The following CKAP5 variants were observed in gnomAD, a reference collection of about 807,000 sequenced individuals.
The protein encoded by CKAP5 is cytoskeleton-associated protein 5.
A neutral mutation model predicts 232.8 loss-of-function variants in CKAP5; 27 were observed. The ratio of observed to expected loss-of-function variants is 0.12; its 90% confidence interval spans 0.09 to 0.16. The LOEUF (loss-of-function observed/expected upper bound fraction) is 0.16. CKAP5 is among the 10% of genes least tolerant of loss of function. CKAP5 has a pLI of 1.00. For synonymous variants in CKAP5, 785 were observed against 841.1 expected (o/e 0.93, Z 1.16); for missense variants, 1,838 against 2,424.7 (o/e 0.76, Z 5.08).
At chr11:46,808,580 G>A (rs1939208035) in intron 7 of CKAP5, among the ~76,000 whole-genome samples, 1 of 151,974 alleles carries the variant, frequency 6.6e-6, no homozygotes, top group East Asian at 1.9e-4. Flanking sequence ...AACTGTGGAG[G>A]CAATCAGAAC....
intron 6 of CKAP5, 35 bp downstream of exon 6, chr11:46,809,707 A>T (rs751543529): frequency 1.2e-6 from 2 of 1,612,656 alleles, no homozygotes; most frequent in Admixed American, 3.3e-5. Context: ...GTTCTTGCTA[A>T]TTTTTGCAGA....
intron 2 of CKAP5, among the ~76,000 whole-genome samples, chr11:46,818,863 T>A (rs1227088102): frequency 6.6e-6 from 1 of 152,162 alleles, no homozygotes; most frequent in Non-Finnish European, 1.5e-5. Flanking sequence ...GTCTCCAAAG[T>A]ATATGCTGTT....
At chr11:46,807,356 T>A (rs1456659315) in intron 8 of CKAP5, among the ~76,000 whole-genome samples, 1 of 152,122 alleles carries the variant, frequency 6.6e-6, no homozygotes, top group East Asian at 1.9e-4. Context: ...ATCAACTTCC[T>A]CCCCTCACCA....
chr11:46,767,840 G>T (rs1024916676), intron 26 of CKAP5, among the ~76,000 whole-genome samples, 177 bp from the exon 27 acceptor site: 2 of 152,020 alleles, frequency 1.3e-5, no homozygotes, highest in Non-Finnish European at 2.9e-5. Flanking sequence ...TCCCAGGCTG[G>T]AGTACAGTGG....
Position 46,837,557 on chromosome 11 carries a change from G to A in CKAP5, c.-38+8663C>T, listed in dbSNP as rs1180878534. 4.6e-5 allele frequency among the ~76,000 whole-genome samples: 7 copies of A among 152,230 alleles called. No individual in the cohort carries two copies. The East Asian group carries it at 5.8e-4, about 13-fold the overall frequency. ...TTTCTAATAGCATTCTCCAATAAGG[G>A]AACCAGGGCACCTTGGGGAAATGGC... On this transcript the variant is annotated intron_variant, in intron 1 of 43. Coordinates refer to ENST00000529230, the MANE Select transcript of CKAP5 (RefSeq NM_001008938.4).
At chr11:46,790,039 A>C in intron 15 of CKAP5, 37 bp downstream of exon 15, 1 of 1,359,200 alleles carries the variant, frequency 7.4e-7, no homozygotes, top group Non-Finnish European at 1.0e-6. Flanking sequence ...CATATAATCT[A>C]ATTTTCTTTC....
At chr11:46,746,587 T>C (rs1204849038) in intron 42 of CKAP5, among the ~76,000 whole-genome samples, 1 of 152,194 alleles carries the variant, frequency 6.6e-6, no homozygotes, top group African/African-American at 2.4e-5. Context: ...TATTTATGTA[T>C]CTAAACATAG....
intron 24 of CKAP5, among the ~76,000 whole-genome samples, chr11:46,773,609 C>A (rs1195097220): frequency 6.6e-6 from 1 of 150,468 alleles, no homozygotes; most frequent in Admixed American, 6.7e-5. Flanking sequence ...GTGGTGTGAT[C>A]TCAGCTCACT....
chr11:46,778,479 A>G lies in CKAP5; in HGVS notation c.2554T>C (p.Leu852=), dbSNP rs1241750241. 1 of 1,614,068 alleles carries G rather than the reference A, an allele frequency of 6.2e-7. No homozygotes were observed. Among genetic ancestry groups the G allele is most frequent in the South Asian group, 1.1e-5 (1 of 91,086 alleles). ...DDGSNDVVDL[L]PRTEISDKIT... ...ACCTACCTGATCTCCGTCCTCGGCA[A>G]AAGATCAACGACATCATTGCTCCCG... is the stretch of plus-strand genomic sequence containing the variant. The change falls in exon 21 of 44, where the codon TTG becomes CTG. Residue 852 remains leucine, a synonymous_variant. Transcript: ENST00000529230.
chr11:46,790,597 A>T lies in CKAP5; in HGVS notation c.1651-14T>A, dbSNP rs1938696935. ...TGGCCCACCAGCCTAAAAACAATTT[A>T]AAAAATAAAAATTAAACCACCTAAG... is the stretch of plus-strand genomic sequence containing the variant. On this transcript the variant is annotated splice_polypyrimidine_tract_variant and intron_variant, in intron 13 of 43. Coordinates refer to ENST00000529230, the MANE Select transcript of CKAP5 (RefSeq NM_001008938.4). The T allele has an allele frequency of 6.4e-7, 1 of 1,568,696 alleles. No individual in the cohort carries two copies. The highest frequency in any genetic ancestry group is 1.4e-5 in the African/African-American group (1 of 73,242).
chr11:46,815,530 C>G (rs1939378416), intron 4 of CKAP5, among the ~76,000 whole-genome samples: 1 of 151,406 alleles, frequency 6.6e-6, no homozygotes, highest in South Asian at 2.1e-4. Flanking sequence ...CTCCTGGCCC[C>G]AAGTGATCCT....
chr11:46,754,113 T>G (rs1184512059), intron 36 of CKAP5, among the ~76,000 whole-genome samples: 1 of 152,066 alleles, frequency 6.6e-6, no homozygotes, highest in Non-Finnish European at 1.5e-5. Context: ...ATTCTCTGCC[T>G]CAGCCTCCCG....
chr11:46,831,135 A>G (rs191213845), intron 1 of CKAP5, among the ~76,000 whole-genome samples: 43 of 152,212 alleles, frequency 2.8e-4, no homozygotes, highest in Non-Finnish European at 5.3e-4. Context: ...AATTTTTTTG[A>G]AAAAACTTTT....
chr11:46,764,073 G>A (rs987582853), intron 28 of CKAP5, among the ~76,000 whole-genome samples: 2 of 152,094 alleles, frequency 1.3e-5, no homozygotes, highest in Admixed American at 6.6e-5. Flanking sequence ...CCTGGGCTCA[G>A]GCAATTTGCC....
intron 4 of CKAP5, among the ~76,000 whole-genome samples, chr11:46,815,975 T>C (rs775225235): frequency 6.6e-6 from 1 of 152,062 alleles, no homozygotes; most frequent in Non-Finnish European, 1.5e-5. Flanking sequence ...CAGCAGGGCA[T>C]TAAGGTTCTC....
At chr11:46,793,106 G>T (rs1189131660) in intron 13 of CKAP5, among the ~76,000 whole-genome samples, 1 of 152,052 alleles carries the variant, frequency 6.6e-6, no homozygotes, top group Admixed American at 6.6e-5. Flanking sequence ...TATGGTGTGG[G>T]GATACAGTAA....
intron 1 of CKAP5, among the ~76,000 whole-genome samples, chr11:46,845,224 GT>G (rs982170802): frequency 2.0e-5 from 3 of 152,176 alleles, no homozygotes; most frequent in Admixed American, 6.5e-5. Context: ...CTAAAAATGA[GT>G]TTTCAATTAC....
At chr11:46,803,500 T>G (rs1939084228) in intron 8 of CKAP5, among the ~76,000 whole-genome samples, 1 of 152,060 alleles carries the variant, frequency 6.6e-6, no homozygotes, top group Non-Finnish European at 1.5e-5. Flanking sequence ...ACTACTGGGC[T>G]CAAGCAATCA....
intron 42 of CKAP5, among the ~76,000 whole-genome samples, chr11:46,745,997 C>T (rs1168313977): frequency 3.9e-5 from 6 of 151,926 alleles, no homozygotes; most frequent in East Asian, 3.9e-4. Context: ...CTTGGAAAGG[C>T]GTAATTTAAG....
Sources: allele counts gnomAD v4.1 joint callset (sites outside exome capture counted in the v4.1 genomes callset), GRCh38; gene constraint gnomAD v4.1.1; transcripts MANE v1.5; gene names NCBI Gene and HGNC (gene_info 2026-07-23, HGNC 2026-07-21).